Variants in PHLPP1 observed in about 807,000 individuals in gnomAD.
The protein encoded by PHLPP1 is PH domain and leucine rich repeat protein phosphatase 1.
Under a neutral mutation model 117.2 loss-of-function variants are expected in PHLPP1, and 42 were observed. The ratio of observed to expected loss-of-function variants is 0.36; its 90% CI spans 0.28 to 0.46. The LOEUF (loss-of-function observed/expected upper bound fraction) is 0.46. Among genes scored for constraint, PHLPP1 ranks in the 20% least tolerant of loss-of-function variants. The pLI, the probability that PHLPP1 is intolerant of heterozygous loss-of-function variation, is 1.00. For missense variants in PHLPP1, 2,084 were observed against 2,241.9 expected (o/e 0.93, Z 1.42); for synonymous variants, 1,042 against 970.7 (o/e 1.07, Z -1.37).
chr18:62,744,045 G>A (rs190948262), intron 1 of PHLPP1, among the ~76,000 whole-genome samples: 1 of 152,222 alleles, frequency 6.6e-6, no homozygotes, highest in African/African-American at 2.4e-5. Flanking sequence ...TGGCTCACAG[G>A]TGTGTTTTGT....
chr18:62,905,559 A>G (rs964347718), intron 8 of PHLPP1, among the ~76,000 whole-genome samples: 5 of 152,182 alleles, frequency 3.3e-5, no homozygotes, highest in African/African-American at 1.2e-4. Context: ...AAGCTCTAAT[A>G]ACTCTTTTCA....
chr18:62,894,947 C>T (rs1283721364), intron 4 of PHLPP1, 64 bp from the exon 5 acceptor site: 1 of 1,371,286 alleles, frequency 7.3e-7, no homozygotes, highest in African/African-American at 1.4e-5. Context: ...TTAGGCTATG[C>T]TAAAATTATG....
chr18:62,970,378 G>A (rs1911017559), intron 14 of PHLPP1, among the ~76,000 whole-genome samples: 1 of 152,050 alleles, frequency 6.6e-6, no homozygotes, highest in South Asian at 2.1e-4. Flanking sequence ...TTGACATTTT[G>A]AGCCAGATAA....
chr18:62,836,179 G>T (rs1276202581), intron 2 of PHLPP1, among the ~76,000 whole-genome samples: 1 of 151,690 alleles, frequency 6.6e-6, no homozygotes, highest in Non-Finnish European at 1.5e-5. Context: ...GCTGATGTCT[G>T]TAATCCCAGC....
chr18:62,866,462 C>G (rs553355995), intron 4 of PHLPP1, among the ~76,000 whole-genome samples: 16 of 152,152 alleles, frequency 1.1e-4, no homozygotes, highest in African/African-American at 3.9e-4. Context: ...CCAGGCTGGT[C>G]TCAAACTCCT....
intron 12 of PHLPP1, 56 bp from the exon 13 acceptor site, chr18:62,958,573 C>A: frequency 1.3e-6 from 2 of 1,588,206 alleles, no homozygotes; most frequent in South Asian, 1.1e-5. Context: ...GTATAGAATT[C>A]CCTGAAGAGC....
rs1482776978 is a variant in PHLPP1 at position 62,874,667 on chromosome 18, A to G, written c.2066+14066A>G. ...CGCGCACGCACGCGCGCACACACAC[A>G]CACACACACACACACACACACACAC... is the stretch of plus-strand genomic sequence containing the variant. On this transcript the variant is annotated intron_variant, in intron 4 of 16. Coordinates refer to ENST00000262719, the MANE Select transcript of PHLPP1 (RefSeq NM_194449.4). Among the ~76,000 whole-genome samples, 995 of 147,568 alleles carry G rather than the reference A, an allele frequency of 6.7e-3. 7 individuals are homozygous for G. Among genetic ancestry groups the G allele is most frequent in the African/African-American group, 0.019 (730 of 37,588 alleles).
chr18:62,775,117 A>T (rs1297575237), intron 1 of PHLPP1, among the ~76,000 whole-genome samples: 1 of 152,042 alleles, frequency 6.6e-6, no homozygotes, highest in Admixed American at 6.5e-5. Context: ...TTTTTCTTGG[A>T]GACGGAATCT....
intron 4 of PHLPP1, among the ~76,000 whole-genome samples, chr18:62,882,002 G>A (rs1399461240): frequency 1.3e-5 from 2 of 152,142 alleles, no homozygotes. Context: ...AGGAACATGG[G>A]GCAAAAGGTG....
chr18:62,875,078 C>A (rs897438050), intron 4 of PHLPP1, among the ~76,000 whole-genome samples: 1 of 152,142 alleles, frequency 6.6e-6, no homozygotes, highest in African/African-American at 2.4e-5. Flanking sequence ...CCTCAGCCTC[C>A]CGAGTAGCTG....
chr18:62,782,741 T>A (rs1406547242), intron 1 of PHLPP1, among the ~76,000 whole-genome samples: 1 of 152,186 alleles, frequency 6.6e-6, no homozygotes, highest in Non-Finnish European at 1.5e-5. Flanking sequence ...TATAAATTCT[T>A]ACCTGTAAAT....
intron 1 of PHLPP1, among the ~76,000 whole-genome samples, chr18:62,770,273 G>T (rs1484251803): frequency 1.3e-5 from 2 of 152,058 alleles, no homozygotes; most frequent in Non-Finnish European, 2.9e-5. Flanking sequence ...ACCACACCTG[G>T]CTAATTTTGT....
chr18:62,955,282 G>A (rs979749071), intron 12 of PHLPP1, among the ~76,000 whole-genome samples: 1 of 152,166 alleles, frequency 6.6e-6, no homozygotes, highest in Admixed American at 6.5e-5. Context: ...GCAAAGTTGG[G>A]GATGCCTTGT....
chr18:62,851,040 G>A (rs899251495), intron 3 of PHLPP1, among the ~76,000 whole-genome samples: 1 of 152,168 alleles, frequency 6.6e-6, no homozygotes, highest in African/African-American at 2.4e-5. Context: ...AAGAGGCTAA[G>A]CTTTTGGAGA....
intron 6 of PHLPP1, among the ~76,000 whole-genome samples, chr18:62,896,704 A>G (rs1309516206): frequency 1.3e-5 from 2 of 152,056 alleles, no homozygotes; most frequent in South Asian, 2.1e-4. Flanking sequence ...GGCTCAGGTG[A>G]TCTTCCTGCC....
rs553073721 is a variant in PHLPP1 at position 62,947,880 on chromosome 18, G to A, written c.3324+2609G>A. On this transcript the variant is annotated intron_variant, in intron 12 of 16. Coordinates refer to ENST00000262719, the MANE Select transcript of PHLPP1 (RefSeq NM_194449.4). ...GTCTCTACTAAAAATACAAAAATAAGCCAGGCATGGTGGTTGGCACCTGTA... is the reference window on the plus strand; with the variant it reads ...GTCTCTACTAAAAATACAAAAATAAACCAGGCATGGTGGTTGGCACCTGTA... Among the ~76,000 whole-genome samples, 50 of 152,064 alleles carry A rather than the reference G, an allele frequency of 3.3e-4. No individual in the cohort carries two copies. The South Asian group carries it at 9.6e-3, about 29-fold the overall frequency.
intron 6 of PHLPP1, among the ~76,000 whole-genome samples, chr18:62,901,684 C>T (rs562535454): frequency 5.3e-5 from 8 of 149,716 alleles, no homozygotes; most frequent in South Asian, 2.1e-4. Flanking sequence ...AGTGCAATGG[C>T]GTGATCTTGG....
intron 11 of PHLPP1, among the ~76,000 whole-genome samples, chr18:62,942,774 A>C (rs1016953875): frequency 3.3e-5 from 5 of 152,090 alleles, no homozygotes; most frequent in South Asian, 4.1e-4. Context: ...GCAACTCAGC[A>C]TTGGGGCCAA....
chr18:62,849,797 CAAAAAAAAAAAAAAAA>C (rs1159265423), intron 3 of PHLPP1, among the ~76,000 whole-genome samples: 11 of 7,400 alleles, frequency 1.5e-3, no homozygotes, highest in Non-Finnish European at 2.4e-3. Flanking sequence ...CCTGTCTCTA[CAAAAAAAAAAAAAAAA>C]AAAAAAAAAA....
Sources: allele counts gnomAD v4.1 joint callset (sites outside exome capture counted in the v4.1 genomes callset), GRCh38; gene constraint gnomAD v4.1.1; transcripts MANE v1.5; gene names NCBI Gene and HGNC (gene_info 2026-07-23, HGNC 2026-07-21).